SLIT2: variants seen among roughly 807,000 people sequenced by gnomAD.
SLIT2 encodes slit homolog 2 protein.
A neutral mutation model predicts 185.7 loss-of-function variants in SLIT2; 41 were observed. The ratio of observed to expected loss-of-function variants is 0.22; its 90% confidence interval spans 0.17 to 0.29. SLIT2 has a LOEUF of 0.29. SLIT2 is among the 10% of genes least tolerant of loss of function. SLIT2 has a pLI of 1.00. For missense variants in SLIT2, 1,571 were observed against 1,909.0 expected (o/e 0.82, Z 3.30); for synonymous variants, 693 against 680.2 (o/e 1.02, Z -0.29).
At chr4:20,511,217 A>C (rs962020376) in intron 11 of SLIT2, 80 bp downstream of exon 11, 1 of 776,472 alleles carries the variant, frequency 1.3e-6, no homozygotes, top group African/African-American at 1.7e-5. Flanking sequence ...GGGTTTAAAA[A>C]ATGCTCTCAG....
chr4:20,483,002 G>A (rs1007793089), intron 6 of SLIT2, among the ~76,000 whole-genome samples: 13 of 151,818 alleles, frequency 8.6e-5, no homozygotes, highest in African/African-American at 2.7e-4. Flanking sequence ...GCTTAAGAGA[G>A]GTTGCATGAA....
chr4:20,357,655 T>C (rs1399939066), intron 4 of SLIT2, among the ~76,000 whole-genome samples: 2 of 152,108 alleles, frequency 1.3e-5, no homozygotes, highest in Non-Finnish European at 2.9e-5. Context: ...TGGTTTGTGA[T>C]ATAGGATGTG....
chr4:20,597,221 A>G (rs1728058121), intron 32 of SLIT2, among the ~76,000 whole-genome samples: 1 of 151,900 alleles, frequency 6.6e-6, no homozygotes, highest in Admixed American at 6.6e-5. Flanking sequence ...ATGTGCCACT[A>G]TGTCTGGCTA....
chr4:20,374,642 T>A (rs933377093), intron 4 of SLIT2, among the ~76,000 whole-genome samples: 7 of 151,966 alleles, frequency 4.6e-5, no homozygotes, highest in Non-Finnish European at 8.8e-5. Flanking sequence ...TTTTTCCTCT[T>A]CTCTCCTTCT....
intron 4 of SLIT2, among the ~76,000 whole-genome samples, chr4:20,369,172 T>C (rs545448516): frequency 2.7e-4 from 41 of 152,222 alleles, no homozygotes; most frequent in Admixed American, 2.4e-3. Context: ...TGAATTCCCA[T>C]GTTCTCATGA....
At chr4:20,349,198 T>C (rs1321119609) in intron 4 of SLIT2, among the ~76,000 whole-genome samples, 1 of 152,238 alleles carries the variant, frequency 6.6e-6, no homozygotes, top group Non-Finnish European at 1.5e-5. Flanking sequence ...CCAAAAGAAA[T>C]GCCTGAGAGT....
At chr4:20,608,263 A>G (rs972286323) in intron 33 of SLIT2, among the ~76,000 whole-genome samples, 1 of 152,124 alleles carries the variant, frequency 6.6e-6, no homozygotes, top group Non-Finnish European at 1.5e-5. Context: ...TTAGTAATAA[A>G]GTAACTTATC....
chr4:20,315,621 A>T (rs1718507637), intron 4 of SLIT2, among the ~76,000 whole-genome samples: 1 of 152,094 alleles, frequency 6.6e-6, no homozygotes, highest in South Asian at 2.1e-4. Flanking sequence ...TTATTTTCTC[A>T]TTGATAAAAT....
rs570394768 is a variant in SLIT2, at chr4:20,463,545, G to GTGTGTGTGTA, written c.396-4206_396-4205insGTGTGTGTAT. 6.7e-5 allele frequency among the ~76,000 whole-genome samples: 9 copies of GTGTGTGTGTA among 134,384 alleles called. No homozygotes were observed. In the South Asian group the frequency reaches 9.9e-4, roughly 15 times the overall value. 88.2% of individuals were successfully genotyped at this position (134,384 alleles called of 152,430 possible). A position where few individuals can be genotyped will look rare whatever the true frequency, so the allele number is the denominator to read the frequency against. On this transcript the variant is annotated intron_variant, in intron 4 of 36. Coordinates refer to ENST00000504154, the MANE Select transcript of SLIT2 (RefSeq NM_004787.4). Reference sequence around the variant, plus strand: ...TGTGTGTGTGTGTGTGTGTGTGTGTGTATATGTATATCTCACATCTCTCCA... The same window carrying GTGTGTGTGTA: ...TGTGTGTGTGTGTGTGTGTGTGTGTGTGTGTGTGTATATATGTATATCTCACATCTCTCCA...
At chr4:20,482,779 A>G (rs554601434) in intron 6 of SLIT2, among the ~76,000 whole-genome samples, 1 of 152,050 alleles carries the variant, frequency 6.6e-6, no homozygotes, top group East Asian at 1.9e-4. Context: ...TTCTAAAAAG[A>G]TTGAAATATT....
In SLIT2 at chr4:20,549,045, G is replaced by A. The variant is rs770234681; in HGVS notation, c.2418-12G>A. Reference sequence around the variant, plus strand: ...TTCTGAATAAAACAAATTGACATATGTATGCTTTCAGAATTCTTAGTTACA... The same window carrying A: ...TTCTGAATAAAACAAATTGACATATATATGCTTTCAGAATTCTTAGTTACA... On this transcript the variant is annotated splice_polypyrimidine_tract_variant and intron_variant, in intron 23 of 36. Transcript: ENST00000504154. 5.2e-6 allele frequency: 8 copies of A among 1,529,954 alleles called. No homozygotes were observed. Among genetic ancestry groups the A allele is most frequent in the Non-Finnish European group, 7.2e-6 (8 of 1,104,564 alleles). 94.8% of individuals were successfully genotyped at this position (1,529,954 alleles called of 1,614,324 possible).
At position 20,617,207 on chromosome 4, in the gene SLIT2, C is replaced by T. The variant is rs1043444512; in HGVS notation, c.4136+9C>T. On this transcript the variant is annotated intron_variant, in intron 35 of 36. Transcript: ENST00000504154. Reference sequence around the variant, plus strand: ...CCTTGCCTTGGAAATAAGTAAGTTCCTGCTGCTTGGGAGTTGAGCACACAC... The same window carrying T: ...CCTTGCCTTGGAAATAAGTAAGTTCTTGCTGCTTGGGAGTTGAGCACACAC... 4 of 1,548,546 alleles carry T rather than the reference C, an allele frequency of 2.6e-6. No homozygotes were observed. Among genetic ancestry groups the T allele is most frequent in the Non-Finnish European group, 2.6e-6 (3 of 1,141,908 alleles).
chr4:20,469,627 T>C (rs1319402749), intron 5 of SLIT2, among the ~76,000 whole-genome samples: 1 of 152,066 alleles, frequency 6.6e-6, no homozygotes, highest in African/African-American at 2.4e-5. Context: ...TGCAGTTAGA[T>C]GAGTTTTTTT....
chr4:20,615,152 A>G (rs1729555176), intron 34 of SLIT2: 1 of 152,234 alleles, frequency 6.6e-6, no homozygotes, highest in Admixed American at 6.5e-5. Flanking sequence ...TGTGGTCATT[A>G]AAGTCCTTAT....
At chr4:20,610,784 A>C (rs924047011) in intron 34 of SLIT2, among the ~76,000 whole-genome samples, 5 of 152,238 alleles carry the variant, frequency 3.3e-5, no homozygotes, top group Admixed American at 6.5e-5. Flanking sequence ...TAAGACCTTA[A>C]GGTGAATGAA....
rs1729869153 is a variant in SLIT2 at position 20,618,754 on chromosome 4, T to C, written c.4349-14T>C. 6.4e-7 allele frequency: 1 copy of C among 1,573,828 alleles called. No homozygotes were observed. The highest frequency in any genetic ancestry group is 1.7e-5 in the Admixed American group (1 of 57,360). ...ACTGTTCTTAAAATGCTTGTGCTTT[T>C]TGTTCTTTTCTAGAAATCTCTTGTC... On this transcript the variant is annotated splice_polypyrimidine_tract_variant and intron_variant, in intron 36 of 36. Coordinates refer to ENST00000504154, the MANE Select transcript of SLIT2 (RefSeq NM_004787.4).
intron 34 of SLIT2, among the ~76,000 whole-genome samples, chr4:20,611,455 A>G (rs1729217692): frequency 1.3e-5 from 2 of 152,232 alleles, no homozygotes; most frequent in East Asian, 1.9e-4. Flanking sequence ...AGAAATGTCC[A>G]TTCTACTCCC....
intron 7 of SLIT2, among the ~76,000 whole-genome samples, 170 bp downstream of exon 7, chr4:20,486,441 A>G (rs1717247114): frequency 6.6e-6 from 1 of 152,150 alleles, no homozygotes; most frequent in South Asian, 2.1e-4. Flanking sequence ...ATTATTCTAG[A>G]AACTGGAAAG....
In SLIT2 at chr4:20,252,853, C is replaced by T. The variant is rs776975547; in HGVS notation, c.-963C>T. 6.6e-6 allele frequency among the ~76,000 whole-genome samples: 1 copy of T among 152,186 alleles called. No individual in the cohort carries two copies. Among genetic ancestry groups the T allele is most frequent in the Non-Finnish European group, 1.5e-5 (1 of 68,034 alleles). On this transcript the variant is annotated 5_prime_UTR_variant, in exon 1 of 37. Coordinates refer to ENST00000504154, the MANE Select transcript of SLIT2 (RefSeq NM_004787.4). ...TTGCCTTTCCACTCCTTCCGGTCTG[C>T]CTGGTTTTTAAGTCCGCCCCCAGTC... is the stretch of plus-strand genomic sequence containing the variant.
Sources: gnomAD v4.1 joint callset for allele counts (sites outside exome capture counted in the v4.1 genomes callset) on GRCh38, gnomAD v4.1.1 for gene constraint, MANE v1.5 for transcripts, NCBI Gene and HGNC (gene_info 2026-07-23, HGNC 2026-07-21) for gene names.